The following KCNAB3 variants were observed in gnomAD, a reference collection of about 807,000 sequenced individuals.
KCNAB3 encodes the protein voltage-gated potassium channel subunit beta-3.
A neutral mutation model predicts 67.7 loss-of-function variants in KCNAB3; 62 were observed. The observed-to-expected ratio is 0.92, with a 90% confidence interval of 0.75 to 1.13. The LOEUF (loss-of-function observed/expected upper bound fraction) is 1.13, where lower values mean the gene tolerates loss of function less well. KCNAB3 is among the 50% of genes most tolerant of loss of function. The pLI is 0.00. For synonymous variants in KCNAB3, 212 were observed against 205.4 expected, an observed-to-expected ratio of 1.03 and a Z score of -0.27; for missense variants, 514 against 522.9, an observed-to-expected ratio of 0.98 and a Z score of 0.17.
chr17:7,929,835 G>GGTTAT lies in KCNAB3; in HGVS notation c.-401_-400insATAAC. The stretch of plus-strand genomic sequence containing the variant: ...TGCGGGACCCGCTGGGCTCCCAGCC[G>GGTTAT]CGTCGGCAGCGGGCCCAGCTCATCA... On this transcript the variant is annotated 5_prime_UTR_variant, in exon 1 of 14. Transcript: ENST00000303790. The surrounding 1 kb of genome is among the most constrained non-coding windows in gnomAD (Gnocchi z 5.7). 11 of 1,029,890 alleles carry GGTTAT rather than the reference G, an allele frequency of 1.1e-5. No individual in the cohort carries two copies. Among genetic ancestry groups the GGTTAT allele is most frequent in the Middle Eastern group, 4.8e-4 (1 of 2,104 alleles). 63.8% of individuals were successfully genotyped at this position (1,029,890 alleles called of 1,614,324 possible).
intron 1 of KCNAB3, 191 bp from the exon 2 acceptor site, chr17:7,928,017 G>A (rs1972293838): frequency 1.5e-6 from 1 of 645,436 alleles, no homozygotes; most frequent in South Asian, 1.9e-5. Flanking sequence ...TTCTCAAAAG[G>A]ACAAGTGAAC....
In KCNAB3 at chr17:7,929,685, C is replaced by A; in HGVS notation, c.-250G>T. Reference sequence around the variant, plus strand: ...TGGAGATATTCAGTTACGGGGGACACAGGAGCAAGGATTAGGAGGGGGAAA... The same window carrying A: ...TGGAGATATTCAGTTACGGGGGACAAAGGAGCAAGGATTAGGAGGGGGAAA... On this transcript the variant is annotated 5_prime_UTR_variant, in exon 1 of 14. Coordinates refer to ENST00000303790, the MANE Select transcript of KCNAB3 (RefSeq NM_004732.4). This position sits in a 1 kb window ranked among gnomAD's most constrained non-coding sequence, Gnocchi z 5.7. The A allele has an allele frequency of 5.8e-6, 8 of 1,379,836 alleles. No homozygotes were observed. Among genetic ancestry groups the A allele is most frequent in the Non-Finnish European group, 7.5e-6 (8 of 1,070,526 alleles). The allele number at this position is 1,379,836 out of a possible 1,614,324, so 85.5% of individuals were successfully genotyped here. A position where few individuals can be genotyped will look rare whatever the true frequency, so the allele number is the denominator to read the frequency against.
chr17:7,924,235 G>T lies in KCNAB3; in HGVS notation c.742C>A (p.Leu248Met). 1 of 1,614,212 alleles carries T rather than the reference G, an allele frequency of 6.2e-7. No homozygotes were observed. Among genetic ancestry groups the T allele is most frequent in the Non-Finnish European group, 8.5e-7 (1 of 1,180,024 alleles). ...GCTTGTTCACACACTGGAGGAATCA[G>T]ATTGAACTGTCTGGCCATGGAGTAG... ...EAYSMARQFNLIPPVCEQAEH... is the reference protein window; with the variant it reads ...EAYSMARQFNMIPPVCEQAEH... Residue 248 changes from leucine (L) to methionine (M), a missense_variant, in exon 10 of 14, where the codon CTG becomes ATG. Physicochemically the swap from Leu to Met is conservative, Grantham distance 15. Coordinates refer to ENST00000303790, the MANE Select transcript of KCNAB3 (RefSeq NM_004732.4).
rs980759894 is a variant in KCNAB3, at chr17:7,923,041, C to G, written c.*61G>C. Reference sequence around the variant, plus strand: ...GGATCCGGAGCGGGAGAGGCGGCTGCGAGGAGCGGGGCTCGGGCGGGTGCA... The same window carrying G: ...GGATCCGGAGCGGGAGAGGCGGCTGGGAGGAGCGGGGCTCGGGCGGGTGCA... On this transcript the variant is annotated 3_prime_UTR_variant, in exon 14 of 14. Coordinates refer to ENST00000303790, the MANE Select transcript of KCNAB3 (RefSeq NM_004732.4). 5.9e-6 allele frequency: 9 copies of G among 1,516,796 alleles called. No homozygotes were observed. The African/African-American group carries it at 1.2e-4, about 21-fold the overall frequency. 94.0% of individuals were successfully genotyped at this position (1,516,796 alleles called of 1,614,324 possible).
rs1485799731 is a variant in KCNAB3 at position 7,929,022 on chromosome 17, G to C, written c.242+172C>G. 8 of 1,083,966 alleles carry C rather than the reference G, an allele frequency of 7.4e-6. No homozygotes were observed. The highest frequency in any genetic ancestry group is 9.1e-6 in the Non-Finnish European group (7 of 770,664). 67.1% of individuals were successfully genotyped at this position (1,083,966 alleles called of 1,614,324 possible). On this transcript the variant is annotated intron_variant, in intron 1 of 13. Coordinates refer to ENST00000303790, the MANE Select transcript of KCNAB3 (RefSeq NM_004732.4). The surrounding 1 kb of genome is among the most constrained non-coding windows in gnomAD (Gnocchi z 5.7). The stretch of plus-strand genomic sequence containing the variant: ...CTTGATTCTCGTAGTCAGGGGTATC[G>C]ACAGAAACCAAGAGAGGGACAAAGT...
Position 7,929,776 on chromosome 17 carries a change from G to A in KCNAB3, c.-341C>T, listed in dbSNP as rs1972365026. 2 of 1,161,028 alleles carry A rather than the reference G, an allele frequency of 1.7e-6. No homozygotes were observed. The highest frequency in any genetic ancestry group is 3.8e-4 in the Middle Eastern group (1 of 2,616). 71.9% of individuals were successfully genotyped at this position (1,161,028 alleles called of 1,614,324 possible). A position where few individuals can be genotyped will look rare whatever the true frequency, so the allele number is the denominator to read the frequency against. The stretch of plus-strand genomic sequence containing the variant: ...AGGATAAGGACCCAGGGGGAAGCGG[G>A]GCGGGAGAGAGATGCCACTTCAGCG... On this transcript the variant is annotated 5_prime_UTR_variant, in exon 1 of 14. Transcript: ENST00000303790. The surrounding 1 kb of genome is among the most constrained non-coding windows in gnomAD (Gnocchi z 5.7).
intron 4 of KCNAB3, chr17:7,927,009 G>T: frequency 3.3e-6 from 1 of 305,874 alleles, no homozygotes; most frequent in Non-Finnish European, 6.4e-6. Flanking sequence ...ATGGGGAAGA[G>T]GCAGGGTAGG....
At position 7,922,860 on chromosome 17, in the gene KCNAB3, G is replaced by T. The variant is rs560085028; in HGVS notation, c.*242C>A. Reference sequence around the variant, plus strand: ...GGCGAGTAGCTCATGCCCGGGATTTGCAAGAAGGGCCTAGAAAGACGCAGC... The same window carrying T: ...GGCGAGTAGCTCATGCCCGGGATTTTCAAGAAGGGCCTAGAAAGACGCAGC... On this transcript the variant is annotated 3_prime_UTR_variant, in exon 14 of 14. Coordinates refer to ENST00000303790, the MANE Select transcript of KCNAB3 (RefSeq NM_004732.4). 5.4e-6 allele frequency: 3 copies of T among 557,770 alleles called. No individual in the cohort carries two copies. The South Asian group carries it at 6.5e-5, about 12-fold the overall frequency. The allele number at this position is 557,770 out of a possible 1,614,324, so 34.6% of individuals were successfully genotyped here. A position where few individuals can be genotyped will look rare whatever the true frequency, so the allele number is the denominator to read the frequency against.
intron 7 of KCNAB3, 186 bp downstream of exon 7, chr17:7,925,497 C>A (rs925828041): frequency 1.5e-5 from 10 of 672,208 alleles, no homozygotes; most frequent in Non-Finnish European, 2.6e-5. Context: ...CCATTACACT[C>A]CAGCCTGGAC....
chr17:7,925,872 T>G (rs1187082721), intron 6 of KCNAB3, 59 bp downstream of exon 6: 2 of 727,088 alleles, frequency 2.8e-6, no homozygotes, highest in Non-Finnish European at 4.6e-6. Flanking sequence ...CCCCACCCCA[T>G]ACACCTTCAC....
Position 7,929,530 on chromosome 17 carries a change from A to G in KCNAB3, c.-95T>C. On this transcript the variant is annotated 5_prime_UTR_variant, in exon 1 of 14. Transcript: ENST00000303790. This position sits in a 1 kb window ranked among gnomAD's most constrained non-coding sequence, Gnocchi z 5.7. ...GACGACCGGGGGCGTAGTGGGGCGAACCCCGGCAGAGCGGGAAGGCTGAGG... is the reference window on the plus strand; with the variant it reads ...GACGACCGGGGGCGTAGTGGGGCGAGCCCCGGCAGAGCGGGAAGGCTGAGG... 1 of 1,522,748 alleles carries G rather than the reference A, an allele frequency of 6.6e-7. No homozygotes were observed. Among genetic ancestry groups the G allele is most frequent in the Admixed American group, 2.0e-5 (1 of 49,844 alleles). 94.3% of individuals were successfully genotyped at this position (1,522,748 alleles called of 1,614,324 possible). A position where few individuals can be genotyped will look rare whatever the true frequency, so the allele number is the denominator to read the frequency against.
At chr17:7,926,018 T>C in intron 5 of KCNAB3, 41 bp downstream of exon 5, 1 of 1,614,172 alleles carries the variant, frequency 6.2e-7, no homozygotes, top group Non-Finnish European at 8.5e-7. Flanking sequence ...AAAGGATTTT[T>C]GGGTGATCAC....
rs73233693 is a variant in KCNAB3 at position 7,923,880 on chromosome 17, C to T, written c.928-49G>A. ...GAAGACCCCGCCATCACCACCACCA[C>T]CACCACACTCACAAAGCAGCCCCCC... is the stretch of plus-strand genomic sequence containing the variant. On this transcript the variant is annotated intron_variant, in intron 11 of 13. Coordinates refer to ENST00000303790, the MANE Select transcript of KCNAB3 (RefSeq NM_004732.4). 7,219 of 1,562,464 alleles carry T rather than the reference C, an allele frequency of 4.6e-3. 309 individuals carry two copies. In the African/African-American group the frequency reaches 0.087, roughly 19 times the overall value.
intron 13 of KCNAB3, 37 bp downstream of exon 13, chr17:7,923,419 G>C: frequency 6.3e-7 from 1 of 1,579,260 alleles, no homozygotes; most frequent in Non-Finnish European, 8.6e-7. Flanking sequence ...CCTGGGGAGG[G>C]GGACAGATAG....
chr17:7,925,180 A>G lies in KCNAB3; in HGVS notation c.542T>C (p.Leu181Ser). The part of the protein sequence containing the change: ...GLSRKHIIEG[L>S]RGSLERLQLG... ...CTGGAGGCGTTCCAGGGATCCTCGCAAGCCTGGAGGTGGGGTAGGGAGAAG... is the reference window on the plus strand; with the variant it reads ...CTGGAGGCGTTCCAGGGATCCTCGCGAGCCTGGAGGTGGGGTAGGGAGAAG... Residue 181 changes from leucine (L) to serine (S), a missense_variant, in exon 8 of 14, where the codon TTG (leucine) becomes TCG (serine). Coordinates refer to ENST00000303790, the MANE Select transcript of KCNAB3 (RefSeq NM_004732.4). 2.5e-6 allele frequency: 4 copies of G among 1,613,328 alleles called. No homozygotes were observed. The highest frequency in any genetic ancestry group is 3.4e-6 in the Non-Finnish European group (4 of 1,179,524).
In KCNAB3 at chr17:7,922,654, T is replaced by C; in HGVS notation, c.*448A>G. On this transcript the variant is annotated 3_prime_UTR_variant, in exon 14 of 14. Transcript: ENST00000303790. ...TACGCTAAGAGCCCCATTTCCTATG[T>C]TCCAGATGACATCACAACTCACTCA... 5.8e-6 allele frequency: 1 copy of C among 171,862 alleles called. No individual in the cohort carries two copies. Among genetic ancestry groups the C allele is most frequent in the South Asian group, 1.3e-4 (1 of 7,568 alleles). The allele number at this position is 171,862 out of a possible 1,614,324, so 10.6% of individuals were successfully genotyped here. A position where few individuals can be genotyped will look rare whatever the true frequency, so the allele number is the denominator to read the frequency against.
chr17:7,929,794 C>T lies in KCNAB3; in HGVS notation c.-359G>A. The T allele has an allele frequency of 9.3e-6, 10 of 1,077,502 alleles. No individual in the cohort carries two copies. The highest frequency in any genetic ancestry group is 5.6e-5 in the South Asian group (2 of 35,984). The allele number at this position is 1,077,502 out of a possible 1,614,324, so 66.7% of individuals were successfully genotyped here. Reference sequence around the variant, plus strand: ...GAAGCGGGGCGGGAGAGAGATGCCACTTCAGCGCGAACCGCTGCGGGACCC... The same window carrying T: ...GAAGCGGGGCGGGAGAGAGATGCCATTTCAGCGCGAACCGCTGCGGGACCC... On this transcript the variant is annotated 5_prime_UTR_variant, in exon 1 of 14. The change creates a new upstream start codon in the 5' untranslated region. Coordinates refer to ENST00000303790, the MANE Select transcript of KCNAB3 (RefSeq NM_004732.4). This position sits in a 1 kb window ranked among gnomAD's most constrained non-coding sequence, Gnocchi z 5.7.
Position 7,929,301 on chromosome 17 carries a change from C to T in KCNAB3, c.135G>A (p.Gly45=), listed in dbSNP as rs1266939201. The T allele has an allele frequency of 1.3e-6, 2 of 1,571,262 alleles. No homozygotes were observed. The highest frequency in any genetic ancestry group is 2.7e-5 in the African/African-American group (2 of 73,886). Residue 45 remains glycine, a synonymous_variant, in exon 1 of 14, where the codon GGG becomes GGA. Coordinates refer to ENST00000303790, the MANE Select transcript of KCNAB3 (RefSeq NM_004732.4). This position sits in a 1 kb window ranked among gnomAD's most constrained non-coding sequence, Gnocchi z 5.7. The part of the protein sequence containing the change: ...PAGGGHGNPP[G]GGGSGPKARA... ...GGGCCTTGGGGCCAGACCCTCCACCCCCCGGAGGATTCCCGTGCCCCCCGC... is the reference window on the plus strand; with the variant it reads ...GGGCCTTGGGGCCAGACCCTCCACCTCCCGGAGGATTCCCGTGCCCCCCGC...
intron 4 of KCNAB3, among the ~76,000 whole-genome samples, chr17:7,926,427 A>G (rs56077891): frequency 0.025 from 3,844 of 152,308 alleles, 180 homozygotes; most frequent in African/African-American, 0.088. Context: ...TCTGGCTTCA[A>G]CTATCTGGGT....
Sources: gnomAD v4.1 joint callset for allele counts (sites outside exome capture counted in the v4.1 genomes callset) on GRCh38, gnomAD v4.1.1 for gene constraint, Gnocchi (gnomAD v3.1) non-coding constraint, MANE v1.5 for transcripts, NCBI Gene and HGNC (gene_info 2026-07-23, HGNC 2026-07-21) for gene names.